Variants in MBD5 observed in about 807,000 individuals in gnomAD.
MBD5 encodes the protein methyl-CpG binding domain protein 5, also known as methyl-CpG-binding domain protein 5.
A neutral mutation model predicts 117.3 loss-of-function variants in MBD5; 13 were observed. The ratio of observed to expected loss-of-function variants is 0.11; its 90% CI spans 0.07 to 0.18. The LOEUF (loss-of-function observed/expected upper bound fraction) is 0.18. Ranked by LOEUF, MBD5 falls within the 10% of genes least tolerant of loss-of-function variation. The probability of loss-of-function intolerance (pLI) is 1.00; values close to 1 mark genes in which losing one functional copy is unlikely to be tolerated. For missense variants in MBD5, 1,879 were observed against 2,093.8 expected (o/e 0.90, Z 2.00); for synonymous variants, 727 against 766.4 (o/e 0.95, Z 0.85).
At chr2:148,189,382 G>A (rs1481700725) in intron 2 of MBD5, among the ~76,000 whole-genome samples, 1 of 151,020 alleles carries the variant, frequency 6.6e-6, no homozygotes, top group Non-Finnish European at 1.5e-5. Context: ...GAGAGCAGTG[G>A]TTCTCCCAGC....
intron 1 of MBD5, among the ~76,000 whole-genome samples, chr2:148,161,538 C>T (rs772439406): frequency 1.3e-5 from 2 of 152,100 alleles, no homozygotes; most frequent in Non-Finnish European, 2.9e-5. Flanking sequence ...GACTTTAATC[C>T]ATACTTTTTT....
In MBD5 at chr2:148,143,788, T is replaced by A. The variant is rs149374903; in HGVS notation, c.-924-34912T>A. Among the ~76,000 whole-genome samples the A allele has an allele frequency of 1.9e-3, 296 of 152,320 alleles. 4 individuals carry two copies. Among genetic ancestry groups the A allele is most frequent in the African/African-American group, 6.9e-3 (285 of 41,560 alleles). ...CCCTACAAAGGACATGAACTCATCCTTTTTTATGGCTGCATAGTGTTCCAT... is the reference window on the plus strand; with the variant it reads ...CCCTACAAAGGACATGAACTCATCCATTTTTATGGCTGCATAGTGTTCCAT... On this transcript the variant is annotated intron_variant, in intron 1 of 13. Coordinates refer to ENST00000642680, the MANE Select transcript of MBD5 (RefSeq NM_001378120.1).
chr2:148,227,190 T>C (rs1190368272), intron 2 of MBD5, among the ~76,000 whole-genome samples: 3 of 152,236 alleles, frequency 2.0e-5, no homozygotes, highest in Non-Finnish European at 2.9e-5. Flanking sequence ...TCCTTGCCCA[T>C]GCCTATGTCC....
intron 1 of MBD5, among the ~76,000 whole-genome samples, chr2:148,169,384 C>T (rs953097440): frequency 6.6e-6 from 1 of 151,702 alleles, no homozygotes; most frequent in South Asian, 2.1e-4. Context: ...AGATCATTAA[C>T]GTCAACAAGC....
At chr2:148,087,549 C>A (rs1199383382) in intron 1 of MBD5, among the ~76,000 whole-genome samples, 6 of 152,220 alleles carry the variant, frequency 3.9e-5, no homozygotes, top group African/African-American at 1.4e-4. Flanking sequence ...GGACTCTTTG[C>A]AGACATTCCC....
intron 7 of MBD5, among the ~76,000 whole-genome samples, chr2:148,464,310 G>A (rs944488235): frequency 2.0e-5 from 3 of 151,910 alleles, no homozygotes; most frequent in Non-Finnish European, 2.9e-5. Flanking sequence ...GTTATTTGTC[G>A]AACACCTACT....
intron 1 of MBD5, among the ~76,000 whole-genome samples, chr2:148,133,729 C>T (rs957201828): frequency 3.3e-5 from 5 of 151,840 alleles, no homozygotes; most frequent in Non-Finnish European, 7.4e-5. Context: ...AGGCTGAGGC[C>T]GGAGAATCGC....
At chr2:148,386,069 C>T (rs1038257123) in intron 4 of MBD5, among the ~76,000 whole-genome samples, 1 of 151,290 alleles carries the variant, frequency 6.6e-6, no homozygotes, top group Admixed American at 6.6e-5. Context: ...ATGTAACAAA[C>T]CTGCACGTTG....
intron 1 of MBD5, among the ~76,000 whole-genome samples, chr2:148,084,962 A>G (rs1416365265): frequency 6.6e-6 from 1 of 152,216 alleles, no homozygotes; most frequent in Non-Finnish European, 1.5e-5. Context: ...GGCATAAATG[A>G]GTTGACTCCA....
At position 148,419,197 on chromosome 2, in the gene MBD5, A is replaced by G. The variant is rs1053921994; in HGVS notation, c.-556-39006A>G. ...GCAACATGTAGAAGAATGATACTGG[A>G]TCCCTATCTCTTTCCATATGCAAAA... On this transcript the variant is annotated intron_variant, in intron 4 of 13. Coordinates refer to ENST00000642680, the MANE Select transcript of MBD5 (RefSeq NM_001378120.1). 6.6e-5 allele frequency among the ~76,000 whole-genome samples: 10 copies of G among 152,196 alleles called. 1 individual carries two copies. The highest frequency in any genetic ancestry group is 2.4e-4 in the African/African-American group (10 of 41,462).
chr2:148,379,215 A>G, intron 4 of MBD5, among the ~76,000 whole-genome samples: 1 of 152,110 alleles, frequency 6.6e-6, no homozygotes, highest in Admixed American at 6.5e-5. Context: ...ATATTATGGT[A>G]AAACACAGGT....
intron 1 of MBD5, among the ~76,000 whole-genome samples, chr2:148,136,918 A>C (rs1228910135): frequency 6.6e-6 from 1 of 151,996 alleles, no homozygotes; most frequent in Non-Finnish European, 1.5e-5. Context: ...ATGTACCACC[A>C]TGTCTGGCTA....
At chr2:148,365,088 G>A (rs1299296723) in intron 4 of MBD5, among the ~76,000 whole-genome samples, 1 of 152,196 alleles carries the variant, frequency 6.6e-6, no homozygotes, top group African/African-American at 2.4e-5. Context: ...ATAATTGAAA[G>A]TAAAGCACTC....
chr2:148,297,772 T>G (rs979635416), intron 3 of MBD5, among the ~76,000 whole-genome samples: 1 of 152,172 alleles, frequency 6.6e-6, no homozygotes, highest in Non-Finnish European at 1.5e-5. Flanking sequence ...GACCTACTAC[T>G]TAGCTTATTT....
At chr2:148,027,296 A>C (rs914159453) in intron 1 of MBD5, 1 of 152,146 alleles carries the variant, frequency 6.6e-6, no homozygotes, top group Non-Finnish European at 1.5e-5. Flanking sequence ...TGGGTTCTCT[A>C]GGTGCCTAAA....
intron 3 of MBD5, among the ~76,000 whole-genome samples, chr2:148,328,644 G>A (rs1256087571): frequency 1.3e-5 from 2 of 152,340 alleles, no homozygotes; most frequent in African/African-American, 4.8e-5. Context: ...CTAGGAAAGG[G>A]AACTCCCTGA....
chr2:148,419,535 C>T (rs1483894675), intron 4 of MBD5, among the ~76,000 whole-genome samples: 2 of 151,914 alleles, frequency 1.3e-5, no homozygotes, highest in African/African-American at 4.8e-5. Context: ...TTGAATTAGC[C>T]AGCCTTTTTT....
At chr2:148,319,313 G>C (rs541464741) in intron 3 of MBD5, among the ~76,000 whole-genome samples, 1 of 152,202 alleles carries the variant, frequency 6.6e-6, no homozygotes, top group South Asian at 2.1e-4. Flanking sequence ...TAATTTGATA[G>C]GGATTGTAAT....
intron 5 of MBD5, among the ~76,000 whole-genome samples, chr2:148,459,851 T>C (rs1707013306): frequency 6.6e-6 from 1 of 152,170 alleles, no homozygotes; most frequent in African/African-American, 2.4e-5. Flanking sequence ...GTAAGGCGTT[T>C]CTGGAGGTAA....
Sources: allele counts gnomAD v4.1 joint callset (sites outside exome capture counted in the v4.1 genomes callset), GRCh38; gene constraint gnomAD v4.1.1; transcripts MANE v1.5; gene names NCBI Gene and HGNC (gene_info 2026-07-23, HGNC 2026-07-21).